EXOC4: variants seen among roughly 807,000 people sequenced by gnomAD.
EXOC4 encodes SEC8-like 1.
EXOC4 carries 71 observed loss-of-function variants against 107.2 expected under a neutral mutation model. The ratio of observed to expected loss-of-function variants is 0.66; its 90% confidence interval spans 0.55 to 0.81. EXOC4 has a LOEUF of 0.81. Among genes scored for constraint, EXOC4 ranks in the 30% least tolerant of loss-of-function variants. EXOC4 has a pLI of 0.00. For synonymous variants in EXOC4, 456 were observed against 441.2 expected (o/e 1.03, Z -0.42); for missense variants, 1,108 against 1,189.6 (o/e 0.93, Z 1.01).
intron 7 of EXOC4, among the ~76,000 whole-genome samples, chr7:133,451,766 G>A (rs953734289): frequency 6.6e-6 from 1 of 152,072 alleles, no homozygotes; most frequent in Non-Finnish European, 1.5e-5. Context: ...CAATTCTGAT[G>A]TTTCTTCACT....
At chr7:133,709,093 G>A (rs761957811) in intron 10 of EXOC4, among the ~76,000 whole-genome samples, 46 of 152,306 alleles carry the variant, frequency 3.0e-4, no homozygotes, top group East Asian at 9.6e-4. Flanking sequence ...GCTACTTCTC[G>A]TCAGTAACAG....
chr7:133,579,562 C>A (rs1801204738), intron 9 of EXOC4, among the ~76,000 whole-genome samples: 1 of 152,152 alleles, frequency 6.6e-6, no homozygotes, highest in African/African-American at 2.4e-5. Context: ...TGTAGTTCAA[C>A]CATCACCACC....
the EXOC4 span, among the ~76,000 whole-genome samples, chr7:134,092,828 CAGG>C: frequency 1.3e-5 from 2 of 150,220 alleles, no homozygotes; most frequent in Non-Finnish European, 2.9e-5. Flanking sequence ...GAGGCTGAGG[CAGG>C]AGAATTGCTC....
intron 10 of EXOC4, among the ~76,000 whole-genome samples, chr7:133,732,111 A>G (rs1795339831): frequency 6.6e-6 from 1 of 152,236 alleles, no homozygotes; most frequent in African/African-American, 2.4e-5. Flanking sequence ...CTGTGCAGTC[A>G]TAAAAAGGAA....
At chr7:133,743,207 T>C (rs1266073863) in intron 10 of EXOC4, among the ~76,000 whole-genome samples, 3 of 152,138 alleles carry the variant, frequency 2.0e-5, no homozygotes, top group Non-Finnish European at 4.4e-5. Context: ...GTCAAGGTAA[T>C]TAGGCTAAAG....
intron 17 of EXOC4, among the ~76,000 whole-genome samples, chr7:134,014,868 T>C (rs1047095816): frequency 1.3e-5 from 2 of 152,206 alleles, no homozygotes; most frequent in Admixed American, 6.5e-5. Flanking sequence ...GGAGCCAAAG[T>C]TTTATCCTCC....
intron 11 of EXOC4, among the ~76,000 whole-genome samples, chr7:133,883,125 C>A (rs1379459441): frequency 6.6e-6 from 1 of 152,190 alleles, no homozygotes; most frequent in Non-Finnish European, 1.5e-5. Flanking sequence ...TTTTGAACTA[C>A]AATAATAACA....
chr7:133,438,426 A>G (rs971227981), intron 7 of EXOC4, among the ~76,000 whole-genome samples: 2 of 151,962 alleles, frequency 1.3e-5, no homozygotes, highest in African/African-American at 2.4e-5. Context: ...CTAATGCCCT[A>G]TGTTCTTTCG....
chr7:133,419,943 C>T (rs1033633869), intron 7 of EXOC4, among the ~76,000 whole-genome samples: 1 of 149,578 alleles, frequency 6.7e-6, no homozygotes, highest in African/African-American at 2.5e-5. Flanking sequence ...AGAGGCTCAA[C>T]TGAGGAAGAG....
intron 9 of EXOC4, among the ~76,000 whole-genome samples, chr7:133,558,394 G>A (rs1371772189): frequency 6.6e-6 from 1 of 151,942 alleles, no homozygotes; most frequent in Non-Finnish European, 1.5e-5. Context: ...AGTTACATAT[G>A]TTGCTTTATA....
intron 10 of EXOC4, among the ~76,000 whole-genome samples, chr7:133,693,158 G>A (rs1283532497): frequency 3.3e-5 from 5 of 152,160 alleles, no homozygotes; most frequent in African/African-American, 7.2e-5. Flanking sequence ...AAGCCAGTCC[G>A]ACTCCCAAAA....
At position 133,813,755 on chromosome 7, in the gene EXOC4, A is replaced by G. The variant is rs986760492; in HGVS notation, c.1515-3570A>G. Among the ~76,000 whole-genome samples, 6 of 152,102 alleles carry G rather than the reference A, an allele frequency of 3.9e-5. No homozygotes were observed. In the East Asian group the frequency reaches 5.8e-4, roughly 15 times the overall value. On this transcript the variant is annotated intron_variant, in intron 10 of 17. Transcript: ENST00000253861. ...TGATAACATCAGTTAAGAAGCCTCAATGCTCTTTCTTGTGCCTTCTCAATT... is the reference window on the plus strand; with the variant it reads ...TGATAACATCAGTTAAGAAGCCTCAGTGCTCTTTCTTGTGCCTTCTCAATT...
At chr7:133,808,422 G>T (rs919367137) in intron 10 of EXOC4, among the ~76,000 whole-genome samples, 1 of 152,062 alleles carries the variant, frequency 6.6e-6, no homozygotes, top group Non-Finnish European at 1.5e-5. Flanking sequence ...ATTTCTAAAT[G>T]ATCTTTTTCG....
At chr7:133,751,732 C>T (rs10246101) in intron 10 of EXOC4, among the ~76,000 whole-genome samples, 135,871 of 152,090 alleles carry the variant, frequency 0.89, 60,883 homozygotes, top group East Asian at 0.99. Flanking sequence ...ACAGTTACAT[C>T]TAGTTTTCCT....
intron 5 of EXOC4, among the ~76,000 whole-genome samples, chr7:133,340,897 A>C (rs1257136695): frequency 6.6e-6 from 1 of 151,924 alleles, no homozygotes; most frequent in East Asian, 1.9e-4. Flanking sequence ...AATTCAGTTT[A>C]TTTGGATCTC....
intron 14 of EXOC4, among the ~76,000 whole-genome samples, chr7:133,981,105 C>G (rs1793968290): frequency 6.6e-6 from 1 of 152,206 alleles, no homozygotes; most frequent in Non-Finnish European, 1.5e-5. Context: ...CATGTGTCAA[C>G]TAGTTAATTC....
At chr7:133,293,754 C>G (rs1271182205) in intron 3 of EXOC4, among the ~76,000 whole-genome samples, 1 of 152,092 alleles carries the variant, frequency 6.6e-6, no homozygotes. Flanking sequence ...ATAGGTCTGG[C>G]CTTTTGTTTC....
intron 2 of EXOC4, among the ~76,000 whole-genome samples, chr7:133,283,701 T>A (rs1794211361): frequency 6.6e-6 from 1 of 152,210 alleles, no homozygotes; most frequent in African/African-American, 2.4e-5. Context: ...CAAAGGTATA[T>A]ATCACTGAAT....
intron 4 of EXOC4, among the ~76,000 whole-genome samples, chr7:133,306,764 T>G (rs1271090808): frequency 6.6e-6 from 1 of 152,152 alleles, no homozygotes; most frequent in African/African-American, 2.4e-5. Context: ...TCTTTATTAC[T>G]TAGGGTTATG....
Sources: allele counts gnomAD v4.1 joint callset (sites outside exome capture counted in the v4.1 genomes callset), GRCh38; gene constraint gnomAD v4.1.1; transcripts MANE v1.5; gene names NCBI Gene and HGNC (gene_info 2026-07-23, HGNC 2026-07-21).